Variants in EDN3 observed in about 807,000 individuals in gnomAD.
EDN3 encodes the protein endothelin-3.
A neutral mutation model predicts 21.4 loss-of-function variants in EDN3; 9 were observed. The observed-to-expected ratio is 0.42, with a 90% CI of 0.25 to 0.73. The LOEUF (loss-of-function observed/expected upper bound fraction) is 0.73. Among genes scored for constraint, EDN3 ranks in the 30% least tolerant of loss-of-function variants. The pLI is 0.26. For missense variants in EDN3, 327 were observed against 309.4 expected, an observed-to-expected ratio of 1.06 and a Z score of -0.43; for synonymous variants, 133 against 126.2, an observed-to-expected ratio of 1.05 and a Z score of -0.36.
chr20:59,324,305 T>C (rs1319940093), intron 4 of EDN3, 26 bp from the exon 5 acceptor site: 5 of 1,614,054 alleles, frequency 3.1e-6, no homozygotes, highest in Middle Eastern at 1.6e-4. Context: ...TCTTTTTTTT[T>C]CTTTTGCCCC....
intron 1 of EDN3, among the ~76,000 whole-genome samples, 191 bp from the exon 2 acceptor site, chr20:59,301,219 C>A (rs1294351719): frequency 1.3e-5 from 2 of 152,230 alleles, no homozygotes; most frequent in African/African-American, 2.4e-5. Flanking sequence ...AAGTTTTCAA[C>A]GGGTGCAGAT....
At chr20:59,319,076 G>A (rs1264726891) in intron 2 of EDN3, among the ~76,000 whole-genome samples, 1 of 152,156 alleles carries the variant, frequency 6.6e-6, no homozygotes, top group Non-Finnish European at 1.5e-5. Context: ...GGGCTTGAAG[G>A]AGGGTTCAGC....
intron 2 of EDN3, among the ~76,000 whole-genome samples, chr20:59,312,952 T>C (rs1156343523): frequency 3.3e-5 from 5 of 152,192 alleles, no homozygotes; most frequent in Non-Finnish European, 7.3e-5. Flanking sequence ...CTCTGGTACC[T>C]TACCCATCTA....
intron 3 of EDN3, among the ~76,000 whole-genome samples, 171 bp downstream of exon 3, chr20:59,321,364 T>C (rs1990536251): frequency 6.6e-6 from 1 of 152,202 alleles, no homozygotes. Flanking sequence ...ACCCAGGTCC[T>C]CAGCATCAGG....
chr20:59,304,106 T>C (rs980701191), intron 2 of EDN3, among the ~76,000 whole-genome samples: 1 of 151,224 alleles, frequency 6.6e-6, no homozygotes, highest in Non-Finnish European at 1.5e-5. Context: ...CCTCTTTCCT[T>C]TCCCTTCTTT....
Position 59,304,788 on chromosome 20 carries a change from G to A in EDN3, c.365+3066G>A, listed in dbSNP as rs568296066. ...TTGGAAAGAAGGTCTGAGATTCCTC[G>A]GCTGTCCCTTTAGCCCTCCTGCTTT... On this transcript the variant is annotated intron_variant, in intron 2 of 4. Transcript: ENST00000337938. 4.3e-4 allele frequency among the ~76,000 whole-genome samples: 66 copies of A among 152,174 alleles called. 1 individual carries two copies. The highest frequency in any genetic ancestry group is 1.5e-3 in the African/African-American group (61 of 41,526).
intron 2 of EDN3, among the ~76,000 whole-genome samples, chr20:59,308,964 C>T (rs1196271462): frequency 6.6e-6 from 1 of 152,222 alleles, no homozygotes; most frequent in East Asian, 1.9e-4. Context: ...TAGCAGAAAG[C>T]TTACAGACTC....
intron 2 of EDN3, among the ~76,000 whole-genome samples, chr20:59,304,216 T>C (rs1202197230): frequency 3.3e-5 from 5 of 152,032 alleles, no homozygotes; most frequent in Non-Finnish European, 5.9e-5. Flanking sequence ...TTTGAGAAAA[T>C]GGGCTGTGGT....
At chr20:59,313,908 G>A (rs1990005044) in intron 2 of EDN3, among the ~76,000 whole-genome samples, 1 of 152,218 alleles carries the variant, frequency 6.6e-6, no homozygotes, top group African/African-American at 2.4e-5. Flanking sequence ...GGCACCCCAT[G>A]GGCTGTCTGG....
At chr20:59,301,779 C>G (rs2146816273) in intron 2 of EDN3, 57 bp downstream of exon 2, 1 of 1,584,236 alleles carries the variant, frequency 6.3e-7, no homozygotes, top group East Asian at 2.2e-5. Context: ...CACATCTGCT[C>G]ATTCCCAGGA....
intron 2 of EDN3, among the ~76,000 whole-genome samples, chr20:59,320,628 C>A (rs987831918): frequency 6.6e-6 from 1 of 152,238 alleles, no homozygotes; most frequent in African/African-American, 2.4e-5. Context: ...GAATGAAAGC[C>A]CACCCATGTT....
At chr20:59,323,596 G>A (rs1250912089) in intron 4 of EDN3, 2 of 399,268 alleles carry the variant, frequency 5.0e-6, no homozygotes, top group Admixed American at 4.4e-5. Flanking sequence ...AGAAAGACAC[G>A]GCAAGGGTAG....
At position 59,324,628 on chromosome 20, in the gene EDN3, C is replaced by T; in HGVS notation, c.*169C>T. Reference sequence around the variant, plus strand: ...CCCCCCACGGCAAGAATGCCCAAATCCGAATGACCCCAGTTTTCCTAATGA... The same window carrying T: ...CCCCCCACGGCAAGAATGCCCAAATTCGAATGACCCCAGTTTTCCTAATGA... On this transcript the variant is annotated 3_prime_UTR_variant, in exon 5 of 5. Coordinates refer to ENST00000337938, the MANE Select transcript of EDN3 (RefSeq NM_207034.3). 1 of 870,278 alleles carries T rather than the reference C, an allele frequency of 1.1e-6. No homozygotes were observed. Among genetic ancestry groups the T allele is most frequent in the Non-Finnish European group, 1.8e-6 (1 of 555,750 alleles). The allele number at this position is 870,278 out of a possible 1,614,324, so 53.9% of individuals were successfully genotyped here. A position where few individuals can be genotyped will look rare whatever the true frequency, so the allele number is the denominator to read the frequency against.
At chr20:59,309,446 T>C (rs197187) in intron 2 of EDN3, among the ~76,000 whole-genome samples, 21,572 of 152,078 alleles carry the variant, frequency 0.14, 4,341 homozygotes, top group African/African-American at 0.45. Context: ...TGTCACCAAC[T>C]GGGAGTCACC....
intron 2 of EDN3, among the ~76,000 whole-genome samples, chr20:59,306,097 C>G (rs573532584): frequency 7.2e-5 from 11 of 152,262 alleles, no homozygotes; most frequent in African/African-American, 2.6e-4. Flanking sequence ...TCCTCCCCGC[C>G]CCATGAGCTG....
At chr20:59,301,872 C>CA in intron 2 of EDN3, 150 bp downstream of exon 2, 1 of 901,234 alleles carries the variant, frequency 1.1e-6, no homozygotes, top group Non-Finnish European at 1.8e-6. Flanking sequence ...GGCCTCTTGC[C>CA]AGCCCAGGTC....
chr20:59,301,921 A>G (rs1403877925), intron 2 of EDN3, among the ~76,000 whole-genome samples, 199 bp downstream of exon 2: 2 of 152,104 alleles, frequency 1.3e-5, no homozygotes, highest in Non-Finnish European at 2.9e-5. Flanking sequence ...ATCCCCCCTG[A>G]GGGCCTGGCC....
intron 2 of EDN3, among the ~76,000 whole-genome samples, chr20:59,316,164 G>A (rs979890162): frequency 1.3e-5 from 2 of 152,162 alleles, no homozygotes; most frequent in African/African-American, 2.4e-5. Context: ...CCAGCCTGGC[G>A]ACAGAGTGAG....
chr20:59,316,519 C>T (rs1457469296), intron 2 of EDN3, among the ~76,000 whole-genome samples: 1 of 152,210 alleles, frequency 6.6e-6, no homozygotes, highest in African/African-American at 2.4e-5. Flanking sequence ...ACAGGCCAGT[C>T]TCCTGATCAG....
Sources: allele counts gnomAD v4.1 joint callset (sites outside exome capture counted in the v4.1 genomes callset), GRCh38; gene constraint gnomAD v4.1.1; transcripts MANE v1.5; gene names NCBI Gene and HGNC (gene_info 2026-07-23, HGNC 2026-07-21).